Variants in NCMAP observed in about 807,000 individuals in gnomAD.
NCMAP encodes the protein non-compact myelin associated protein.
Under a neutral mutation model 7.8 loss-of-function variants are expected in NCMAP, and 8 were observed. The observed-to-expected ratio is 1.02, with a 90% confidence interval of 0.60 to 1.84. The LOEUF is 1.84. Among genes scored for constraint, NCMAP ranks in the 40% most tolerant of loss-of-function variants. The pLI, the probability that NCMAP is intolerant of heterozygous loss-of-function variation, is 0.00. For missense variants in NCMAP, 112 were observed against 131.4 expected (o/e 0.85, Z 0.72); for synonymous variants, 41 against 52.9 (o/e 0.78, Z 0.98).
rs1039971307 is a variant in NCMAP at position 24,600,961 on chromosome 1, C to T, written c.104C>T (p.Ala35Val). The change falls in exon 3 of 4, where the codon GCC (alanine) becomes GTC (valine). Residue 35 changes from alanine to valine, a missense_variant. Coordinates refer to ENST00000374392, the MANE Select transcript of NCMAP (RefSeq NM_001010980.5). ...GTAGGTTCTGGAGCCATTGTTGCTG[C>T]CGTTGTGGTGGTTGTCATCATCATC... is the stretch of plus-strand genomic sequence containing the variant. ...LYKSSGAIVA[A>V]VVVVVIIIFT... The T allele has an allele frequency of 3.1e-6, 5 of 1,613,960 alleles. No individual in the cohort carries two copies. In the African/African-American group the frequency reaches 5.3e-5, roughly 17 times the overall value.
intron 3 of NCMAP, among the ~76,000 whole-genome samples, chr1:24,604,028 G>C (rs1330475681): frequency 3.3e-5 from 5 of 152,358 alleles, no homozygotes; most frequent in Middle Eastern, 3.4e-3. Context: ...AGGGCAAAGA[G>C]AGAGCCAGAG....
At chr1:24,590,758 C>A (rs1183425420) in intron 1 of NCMAP, among the ~76,000 whole-genome samples, 1 of 152,178 alleles carries the variant, frequency 6.6e-6, no homozygotes, top group East Asian at 1.9e-4. Flanking sequence ...CAGGCACACA[C>A]CACCACCAGG....
At chr1:24,571,861 C>T (rs1262137167) in intron 1 of NCMAP, among the ~76,000 whole-genome samples, 3 of 150,988 alleles carry the variant, frequency 2.0e-5, no homozygotes, top group Non-Finnish European at 4.4e-5. Context: ...GCTGGGATTA[C>T]AGGCGTAAGC....
At chr1:24,577,401 G>GTTTTTTTTTGTTTTTTTTTTTTTTTT (rs1651605073) in intron 1 of NCMAP, among the ~76,000 whole-genome samples, 1 of 39,956 alleles carries the variant, frequency 2.5e-5, no homozygotes, top group African/African-American at 1.1e-4. Context: ...CACTGGCCTT[G>GTTTTTTTTTGTTTTTTTTTTTTTTTT]TTTTTTTTTT....
At chr1:24,585,546 G>A (rs1417624654) in intron 1 of NCMAP, among the ~76,000 whole-genome samples, 1 of 152,178 alleles carries the variant, frequency 6.6e-6, no homozygotes, top group East Asian at 1.9e-4. Flanking sequence ...CAGAATCACT[G>A]GTTGGAAAAG....
chr1:24,577,405 T>TGTTTTG (rs1651608540), intron 1 of NCMAP, among the ~76,000 whole-genome samples: 1 of 114,304 alleles, frequency 8.7e-6, no homozygotes, highest in Non-Finnish European at 1.8e-5. Context: ...GGCCTTGTTT[T>TGTTTTG]TTTTTTTTTT....
intron 1 of NCMAP, among the ~76,000 whole-genome samples, chr1:24,583,930 G>A (rs144525851): frequency 9.2e-5 from 14 of 152,218 alleles, no homozygotes; most frequent in South Asian, 4.1e-4. Context: ...CTGAGCCTCC[G>A]TTTCCTATCA....
Position 24,597,669 on chromosome 1 carries a change from A to AAGAG in NCMAP, c.82+2160_82+2161insGAGA, listed in dbSNP as rs1407914958. On this transcript the variant is annotated intron_variant, in intron 2 of 3. Transcript: ENST00000374392. ...AAAGAAAGAAAGAAAGAAAGAAAGA[A>AAGAG]AGAAAAGAAAAAGAAAGAAAGAAAG... Among the ~76,000 whole-genome samples, 127 of 139,710 alleles carry AAGAG rather than the reference A, an allele frequency of 9.1e-4. 5 individuals are homozygous for AAGAG. Among genetic ancestry groups the AAGAG allele is most frequent in the South Asian group, 3.4e-3 (14 of 4,066 alleles). 91.7% of individuals were successfully genotyped at this position (139,710 alleles called of 152,430 possible). A position where few individuals can be genotyped will look rare whatever the true frequency, so the allele number is the denominator to read the frequency against.
At chr1:24,574,144 C>T (rs1303601048) in intron 1 of NCMAP, among the ~76,000 whole-genome samples, 2 of 148,026 alleles carry the variant, frequency 1.4e-5, no homozygotes, top group Non-Finnish European at 3.0e-5. Context: ...TTTTTTTAGA[C>T]GGAGTCTTGC....
chr1:24,559,012 T>C (rs571155495), intron 1 of NCMAP, among the ~76,000 whole-genome samples: 3 of 152,220 alleles, frequency 2.0e-5, no homozygotes, highest in African/African-American at 7.2e-5. Flanking sequence ...CCAAATTACA[T>C]CTATTCACCT....
At chr1:24,562,176 C>A (rs1457261143) in intron 1 of NCMAP, among the ~76,000 whole-genome samples, 1 of 152,158 alleles carries the variant, frequency 6.6e-6, no homozygotes, top group Non-Finnish European at 1.5e-5. Flanking sequence ...TATCTTTTTT[C>A]TAAGCAGCTC....
At chr1:24,574,557 A>C (rs1439256257) in intron 1 of NCMAP, among the ~76,000 whole-genome samples, 1 of 152,116 alleles carries the variant, frequency 6.6e-6, no homozygotes, top group African/African-American at 2.4e-5. Context: ...CGATTGCATA[A>C]GCCCATTCCC....
intron 1 of NCMAP, among the ~76,000 whole-genome samples, chr1:24,558,513 A>G (rs1650967841): frequency 6.6e-6 from 1 of 152,152 alleles, no homozygotes; most frequent in Admixed American, 6.5e-5. Context: ...TTCTCCTGCC[A>G]TCATCAATGC....
At chr1:24,590,688 C>T (rs1451072047) in intron 1 of NCMAP, among the ~76,000 whole-genome samples, 1 of 152,096 alleles carries the variant, frequency 6.6e-6, no homozygotes, top group East Asian at 1.9e-4. Flanking sequence ...GTAGTTTGTG[C>T]CATCAAACTC....
chr1:24,568,695 C>T (rs769567184), intron 1 of NCMAP, among the ~76,000 whole-genome samples: 53 of 152,182 alleles, frequency 3.5e-4, no homozygotes, highest in African/African-American at 5.6e-4. Context: ...GCCACCCAGC[C>T]GAGCCAGGTC....
intron 1 of NCMAP, among the ~76,000 whole-genome samples, chr1:24,592,632 A>T (rs12749572): frequency 0.51 from 77,547 of 151,940 alleles, 20,095 homozygotes; most frequent in East Asian, 0.61. Context: ...ATAAAGAAGA[A>T]CTGGGACCAG....
At chr1:24,590,272 C>G (rs1032009593) in intron 1 of NCMAP, among the ~76,000 whole-genome samples, 1 of 152,170 alleles carries the variant, frequency 6.6e-6, no homozygotes, top group Non-Finnish European at 1.5e-5. Flanking sequence ...CATTTTTGTG[C>G]GTGTTGGTAT....
chr1:24,601,448 A>G (rs190247418), intron 3 of NCMAP, among the ~76,000 whole-genome samples: 2 of 151,958 alleles, frequency 1.3e-5, no homozygotes, highest in East Asian at 3.9e-4. Flanking sequence ...GAAATAAAAG[A>G]ATATAATTTG....
chr1:24,569,613 G>A (rs1028093598), intron 1 of NCMAP, among the ~76,000 whole-genome samples: 1 of 150,712 alleles, frequency 6.6e-6, no homozygotes, highest in Admixed American at 6.6e-5. Context: ...TAGTTCTGCC[G>A]CTTTCACTGG....
Sources: allele counts gnomAD v4.1 joint callset (sites outside exome capture counted in the v4.1 genomes callset), GRCh38; gene constraint gnomAD v4.1.1; transcripts MANE v1.5; gene names NCBI Gene and HGNC (gene_info 2026-07-23, HGNC 2026-07-21).